Variants in DLG2 observed in about 807,000 individuals in gnomAD.
DLG2 encodes disks large homolog 2.
DLG2 carries 45 observed loss-of-function variants against 132.5 expected under a neutral mutation model. The observed-to-expected ratio is 0.34, with a 90% CI of 0.27 to 0.44. DLG2 has a LOEUF of 0.44. DLG2 is among the 20% of genes least tolerant of loss of function. The pLI is 1.00. For synonymous variants in DLG2, 424 were observed against 419.6 expected, an observed-to-expected ratio of 1.01 and a Z score of -0.13; for missense variants, 1,045 against 1,196.9, an observed-to-expected ratio of 0.87 and a Z score of 1.87.
At chr11:84,132,416 C>T (rs2094453414) in intron 9 of DLG2, among the ~76,000 whole-genome samples, 1 of 151,928 alleles carries the variant, frequency 6.6e-6, no homozygotes, top group South Asian at 2.1e-4. Context: ...AATAATTTGA[C>T]TCCCTATTAT....
chr11:83,461,884 A>G, intron 27 of DLG2, 118 bp downstream of exon 27: 1 of 700,694 alleles, frequency 1.4e-6, no homozygotes, highest in Non-Finnish European at 2.6e-6. Flanking sequence ...AACAGATATT[A>G]GGGATTCTCA....
intron 9 of DLG2, among the ~76,000 whole-genome samples, chr11:84,125,306 A>T (rs930448740): frequency 6.6e-6 from 1 of 152,154 alleles, no homozygotes; most frequent in African/African-American, 2.4e-5. Context: ...CCTCACACAC[A>T]CAAGTTTTTG....
intron 2 of DLG2, among the ~76,000 whole-genome samples, chr11:85,623,843 G>A (rs781312059): frequency 2.0e-5 from 3 of 152,116 alleles, no homozygotes; most frequent in Non-Finnish European, 4.4e-5. Context: ...TAACACAGTA[G>A]GAAATCATAT....
intron 14 of DLG2, among the ~76,000 whole-genome samples, chr11:83,952,689 A>T (rs1465466675): frequency 1.4e-5 from 1 of 73,642 alleles, no homozygotes; most frequent in Non-Finnish European, 3.5e-5. Context: ...AAAGCAAAAA[A>T]TAAAAGCAAA....
intron 6 of DLG2, among the ~76,000 whole-genome samples, chr11:84,625,620 G>T (rs904151854): frequency 3.3e-5 from 5 of 152,110 alleles, no homozygotes; most frequent in African/African-American, 4.8e-5. Flanking sequence ...TAAAAATATT[G>T]AAACTTCAGA....
chr11:84,052,383 T>C (rs907535077), intron 11 of DLG2, among the ~76,000 whole-genome samples: 2 of 151,852 alleles, frequency 1.3e-5, no homozygotes, highest in African/African-American at 2.4e-5. Flanking sequence ...AAATAGTCAA[T>C]TCATTAATTC....
chr11:84,810,665 A>G (rs1232307095), intron 6 of DLG2, among the ~76,000 whole-genome samples: 1 of 152,188 alleles, frequency 6.6e-6, no homozygotes, highest in African/African-American at 2.4e-5. Context: ...AGTTTTATTC[A>G]CAATAGCCAA....
At chr11:83,809,897 G>C (rs1187380707) in intron 17 of DLG2, among the ~76,000 whole-genome samples, 1 of 152,138 alleles carries the variant, frequency 6.6e-6, no homozygotes, top group Non-Finnish European at 1.5e-5. Flanking sequence ...CATTTGCAGA[G>C]AATGCATCAT....
At chr11:83,670,897 G>A (rs1195439620) in intron 18 of DLG2, among the ~76,000 whole-genome samples, 1 of 152,092 alleles carries the variant, frequency 6.6e-6, no homozygotes, top group Admixed American at 6.5e-5. Context: ...ATAAAAAGGA[G>A]GCAAACTTTT....
chr11:83,582,060 G>A (rs1049538867), intron 19 of DLG2, among the ~76,000 whole-genome samples: 3 of 138,168 alleles, frequency 2.2e-5, no homozygotes, highest in Non-Finnish European at 3.0e-5. Context: ...AGATTCAAGC[G>A]ATTCTCCTGC....
intron 7 of DLG2, among the ~76,000 whole-genome samples, chr11:84,323,775 C>T (rs1372053156): frequency 1.4e-5 from 2 of 143,530 alleles, no homozygotes; most frequent in African/African-American, 2.6e-5. Context: ...GAGGTGATAC[C>T]TCATTGTGAT....
intron 7 of DLG2, among the ~76,000 whole-genome samples, chr11:84,279,155 AG>A (rs755032813): frequency 2.6e-5 from 4 of 152,228 alleles, no homozygotes; most frequent in Non-Finnish European, 5.9e-5. Context: ...AAGTGGGTGA[AG>A]GGTATGAACA....
chr11:85,393,604 GTA>G (rs145061201), intron 3 of DLG2, among the ~76,000 whole-genome samples: 7,452 of 143,384 alleles, frequency 0.052, 204 homozygotes, highest in African/African-American at 0.061. Context: ...AGAAAATGTG[GTA>G]TATATATATA....
intron 7 of DLG2, among the ~76,000 whole-genome samples, chr11:84,420,200 A>G (rs542885595): frequency 6.6e-6 from 1 of 152,354 alleles, no homozygotes; most frequent in South Asian, 2.1e-4. Context: ...TGGTGAAACA[A>G]GTAAAACTCA....
chr11:83,880,001 G>A (rs2065765324), intron 15 of DLG2, among the ~76,000 whole-genome samples: 1 of 152,184 alleles, frequency 6.6e-6, no homozygotes, highest in African/African-American at 2.4e-5. Flanking sequence ...TGAGACTCAT[G>A]AAGAGCATGA....
chr11:83,987,284 T>C (rs1204132701), intron 11 of DLG2, among the ~76,000 whole-genome samples: 3 of 152,058 alleles, frequency 2.0e-5, no homozygotes, highest in African/African-American at 7.2e-5. Flanking sequence ...AGGTAATTTA[T>C]AGATTCAATG....
intron 6 of DLG2, among the ~76,000 whole-genome samples, chr11:84,831,917 CAG>C (rs1429538463): frequency 6.6e-6 from 1 of 151,688 alleles, no homozygotes; most frequent in Non-Finnish European, 1.5e-5. Flanking sequence ...CTTCAGGAAA[CAG>C]AGCACAAGCT....
chr11:84,004,947 CA>C (rs56323323), intron 11 of DLG2, among the ~76,000 whole-genome samples: 71,513 of 137,946 alleles, frequency 0.52, 20,013 homozygotes, highest in Middle Eastern at 0.71. Flanking sequence ...TATATAGAAT[CA>C]AAAAAAAAAA....
At chr11:85,067,982 C>T (rs1344000652) in intron 6 of DLG2, among the ~76,000 whole-genome samples, 1 of 152,058 alleles carries the variant, frequency 6.6e-6, no homozygotes, top group Non-Finnish European at 1.5e-5. Context: ...CCCTGGGACG[C>T]AAGGCTGTTT....
Sources: allele counts gnomAD v4.1 joint callset (sites outside exome capture counted in the v4.1 genomes callset), GRCh38; gene constraint gnomAD v4.1.1; transcripts MANE v1.5; gene names NCBI Gene and HGNC (gene_info 2026-07-23, HGNC 2026-07-21).